Variants in BNC2 observed in about 807,000 individuals in gnomAD.
The protein encoded by BNC2 is zinc finger protein basonuclin-2.
A neutral mutation model predicts 76.3 loss-of-function variants in BNC2; 20 were observed. That is an observed-to-expected ratio of 0.26 (90% confidence interval 0.18 to 0.38). BNC2 has a LOEUF of 0.38. BNC2 is among the 10% of genes least tolerant of loss of function. The probability of loss-of-function intolerance (pLI) is 1.00; values close to 1 mark genes in which losing one functional copy is unlikely to be tolerated. For missense variants in BNC2, 1,382 were observed against 1,399.8 expected, an observed-to-expected ratio of 0.99 and a Z score of 0.20; for synonymous variants, 582 against 514.8, an observed-to-expected ratio of 1.13 and a Z score of -1.77.
At chr9:16,801,883 T>A (rs1384190472) in intron 1 of BNC2, among the ~76,000 whole-genome samples, 1 of 152,154 alleles carries the variant, frequency 6.6e-6, no homozygotes, top group African/African-American at 2.4e-5. Context: ...TCTCTGTGGT[T>A]CTGGCTCAAG....
intron 2 of BNC2, 143 bp downstream of exon 2, chr9:16,738,217 C>G: frequency 1.1e-6 from 1 of 899,968 alleles, no homozygotes; most frequent in Non-Finnish European, 1.7e-6. Flanking sequence ...AAATAAATAC[C>G]TGAGTTTCAT....
intron 3 of BNC2, 197 bp downstream of exon 3, chr9:16,727,600 T>A: frequency 1.7e-6 from 1 of 582,692 alleles, no homozygotes; most frequent in Non-Finnish European, 3.0e-6. Flanking sequence ...CTTTTTCTTT[T>A]AAGACGCCCT....
chr9:16,671,269 C>T (rs2134179787), intron 3 of BNC2, among the ~76,000 whole-genome samples: 1 of 152,234 alleles, frequency 6.6e-6, no homozygotes, highest in African/African-American at 2.4e-5. Context: ...TCCTAAAAGA[C>T]ATCCTAAAAT....
chr9:16,531,087 T>C lies in BNC2; in HGVS notation c.669+21443A>G, dbSNP rs536260061. On this transcript the variant is annotated intron_variant, in intron 5 of 6. Coordinates refer to ENST00000380672, the MANE Select transcript of BNC2 (RefSeq NM_017637.6). Reference sequence around the variant, plus strand: ...CTCCCCTGAGATCAAGAGGAGATGGTGATTATGAAAATAATAACAGTTTTA... The same window carrying C: ...CTCCCCTGAGATCAAGAGGAGATGGCGATTATGAAAATAATAACAGTTTTA... 7.9e-4 allele frequency among the ~76,000 whole-genome samples: 120 copies of C among 152,318 alleles called. 1 individual carries two copies. Among genetic ancestry groups the C allele is most frequent in the Non-Finnish European group, 1.6e-3 (107 of 68,032 alleles).
At chr9:16,498,256 C>T (rs1196098001) in intron 5 of BNC2, among the ~76,000 whole-genome samples, 2 of 112,756 alleles carry the variant, frequency 1.8e-5, no homozygotes, top group African/African-American at 6.0e-5. Flanking sequence ...TATATATATT[C>T]CATCATATAT....
rs1435915000 is a variant in BNC2, at chr9:16,569,610, G to A, written c.433+13373C>T. 3.9e-5 allele frequency among the ~76,000 whole-genome samples: 6 copies of A among 152,270 alleles called. No individual in the cohort carries two copies. The South Asian group carries it at 1.2e-3, about 32-fold the overall frequency. ...TATTTCACCACTCGGTTGTTCAGAAGCTCTCTCTCCTGGCTAGTAGATTAA... is the reference window on the plus strand; with the variant it reads ...TATTTCACCACTCGGTTGTTCAGAAACTCTCTCTCCTGGCTAGTAGATTAA... On this transcript the variant is annotated intron_variant, in intron 4 of 6. Coordinates refer to ENST00000380672, the MANE Select transcript of BNC2 (RefSeq NM_017637.6).
At chr9:16,435,105 T>C (rs1376481887) in intron 6 of BNC2, 2 of 471,394 alleles carry the variant, frequency 4.2e-6, no homozygotes, top group Admixed American at 2.3e-5. Flanking sequence ...TGTTTCTATA[T>C]TGGATAAATA....
At chr9:16,565,558 C>T (rs1277078567) in intron 4 of BNC2, among the ~76,000 whole-genome samples, 1 of 152,030 alleles carries the variant, frequency 6.6e-6, no homozygotes, top group African/African-American at 2.4e-5. Flanking sequence ...TGCCTGTAAT[C>T]CAGCACTCTG....
At chr9:16,649,848 T>G (rs927226297) in intron 3 of BNC2, among the ~76,000 whole-genome samples, 1 of 152,172 alleles carries the variant, frequency 6.6e-6, no homozygotes, top group African/African-American at 2.4e-5. Context: ...GCCAAGATCA[T>G]TCGCTCAGTA....
intron 1 of BNC2, among the ~76,000 whole-genome samples, chr9:16,861,816 C>A (rs540633475): frequency 6.6e-6 from 1 of 152,200 alleles, no homozygotes; most frequent in African/African-American, 2.4e-5. Context: ...AGTGAAACAA[C>A]GTCTCTACTA....
chr9:16,768,855 G>A (rs1040105601), intron 1 of BNC2, among the ~76,000 whole-genome samples: 1 of 152,180 alleles, frequency 6.6e-6, no homozygotes, highest in Non-Finnish European at 1.5e-5. Flanking sequence ...TAAATCAAGC[G>A]TTGAATTTAA....
intron 6 of BNC2, among the ~76,000 whole-genome samples, chr9:16,426,325 CTTT>C (rs34622231): frequency 3.7e-5 from 5 of 136,982 alleles, no homozygotes; most frequent in Non-Finnish European, 6.2e-5. Flanking sequence ...CCATGCCCAG[CTTT>C]TTTTTTTTTT....
chr9:16,680,006 G>A (rs1378060725), intron 3 of BNC2, among the ~76,000 whole-genome samples: 1 of 152,170 alleles, frequency 6.6e-6, no homozygotes, highest in East Asian at 1.9e-4. Flanking sequence ...TAGGGGGAGT[G>A]TTATTTAAAC....
At chr9:16,788,540 A>G (rs895295289) in intron 1 of BNC2, among the ~76,000 whole-genome samples, 10 of 148,446 alleles carry the variant, frequency 6.7e-5, no homozygotes, top group South Asian at 2.2e-4. Flanking sequence ...GCGACAGAGC[A>G]ACACTCCTTC....
intron 3 of BNC2, among the ~76,000 whole-genome samples, chr9:16,702,478 T>A (rs986192284): frequency 6.8e-6 from 1 of 147,166 alleles, no homozygotes. Flanking sequence ...ATCAACCTAA[T>A]GAAAATTTTG....
At position 16,418,899 on chromosome 9, in the gene BNC2, A is replaced by C. The variant is rs554944980; in HGVS notation, c.*90T>G. 901 of 1,401,434 alleles carry C rather than the reference A, an allele frequency of 6.4e-4. No individual in the cohort carries two copies. The highest frequency in any genetic ancestry group is 7.2e-4 in the Non-Finnish European group (712 of 988,744). 86.8% of individuals were successfully genotyped at this position (1,401,434 alleles called of 1,614,324 possible). On this transcript the variant is annotated 3_prime_UTR_variant, in exon 7 of 7. Transcript: ENST00000380672. The stretch of plus-strand genomic sequence containing the variant: ...CACACACACACACACACACACACAC[A>C]CCCCAAGTACATAAGCGCACACTGA...
chr9:16,828,951 G>A (rs1818515313), intron 1 of BNC2, among the ~76,000 whole-genome samples: 1 of 152,068 alleles, frequency 6.6e-6, no homozygotes. Context: ...AGCGACTCCA[G>A]AGGCTGGGGC....
chr9:16,834,212 T>G (rs1818649364), intron 1 of BNC2, among the ~76,000 whole-genome samples: 1 of 152,128 alleles, frequency 6.6e-6, no homozygotes, highest in South Asian at 2.1e-4. Flanking sequence ...AAAAATCCCT[T>G]AAGCAAAATA....
intron 1 of BNC2, among the ~76,000 whole-genome samples, chr9:16,839,241 T>C (rs1818773449): frequency 6.6e-6 from 1 of 152,214 alleles, no homozygotes; most frequent in Non-Finnish European, 1.5e-5. Context: ...GAAAGTAATC[T>C]TAGTTGCTTT....
Sources: gnomAD v4.1 joint callset for allele counts (sites outside exome capture counted in the v4.1 genomes callset) on GRCh38, gnomAD v4.1.1 for gene constraint, MANE v1.5 for transcripts, NCBI Gene and HGNC (gene_info 2026-07-23, HGNC 2026-07-21) for gene names.